Variants in PTPN1 observed in about 807,000 individuals in gnomAD.
PTPN1 encodes protein tyrosine phosphatase non-receptor type 1.
Under a neutral mutation model 59.9 loss-of-function variants are expected in PTPN1, and 12 were observed. The observed-to-expected ratio is 0.20, with a 90% confidence interval of 0.13 to 0.32. The LOEUF (loss-of-function observed/expected upper bound fraction) is 0.32, where lower values mean the gene tolerates loss of function less well. Among genes scored for constraint, PTPN1 ranks in the 10% least tolerant of loss-of-function variants. The probability of loss-of-function intolerance (pLI) is 1.00; values close to 1 mark genes in which losing one functional copy is unlikely to be tolerated. For missense variants in PTPN1, 356 were observed against 549.2 expected, an observed-to-expected ratio of 0.65 and a Z score of 3.52; for synonymous variants, 178 against 203.6, an observed-to-expected ratio of 0.87 and a Z score of 1.07.
intron 2 of PTPN1, among the ~76,000 whole-genome samples, chr20:50,563,400 A>T (rs2082762426): frequency 6.6e-6 from 1 of 151,976 alleles, no homozygotes; most frequent in Non-Finnish European, 1.5e-5. Flanking sequence ...CAGCTCATTG[A>T]CTCTTCCCAC....
intron 1 of PTPN1, among the ~76,000 whole-genome samples, chr20:50,551,838 A>G (rs944162722): frequency 4.6e-5 from 7 of 152,206 alleles, no homozygotes; most frequent in Non-Finnish European, 8.8e-5. Context: ...AATCTGTTTC[A>G]TGGCAAGTTT....
intron 3 of PTPN1, 99 bp downstream of exon 3, chr20:50,565,168 G>A: frequency 7.9e-7 from 1 of 1,259,344 alleles, no homozygotes; most frequent in East Asian, 2.6e-5. Context: ...CCTTTAGAAG[G>A]TCAGGATTTC....
At chr20:50,517,910 A>C (rs895036407) in intron 1 of PTPN1, among the ~76,000 whole-genome samples, 4 of 152,082 alleles carry the variant, frequency 2.6e-5, no homozygotes, top group Non-Finnish European at 5.9e-5. Context: ...ACTGAGGTAT[A>C]TTTTACTTTT....
chr20:50,524,240 ATTGTAAATTTTGTAG>A (rs1468604393), intron 1 of PTPN1, among the ~76,000 whole-genome samples: 8 of 152,234 alleles, frequency 5.3e-5, no homozygotes, highest in African/African-American at 1.9e-4. Context: ...TATTTGTTTC[ATTGTAAATTTTGTAG>A]CCCTAGAACA....
chr20:50,565,896 T>C (rs550390266), intron 3 of PTPN1, among the ~76,000 whole-genome samples: 1 of 152,250 alleles, frequency 6.6e-6, no homozygotes, highest in Non-Finnish European at 1.5e-5. Context: ...GAAGACAGAA[T>C]GCTCTATGAA....
At chr20:50,578,698 T>A in intron 6 of PTPN1, 69 bp downstream of exon 6, 1 of 1,368,178 alleles carries the variant, frequency 7.3e-7, no homozygotes, top group Non-Finnish European at 1.0e-6. Context: ...TTTTCCTAAG[T>A]AGAAACTGAA....
At chr20:50,514,838 T>G (rs114458496) in intron 1 of PTPN1, among the ~76,000 whole-genome samples, 1 of 152,338 alleles carries the variant, frequency 6.6e-6, no homozygotes, top group East Asian at 1.9e-4. Flanking sequence ...CCAGATGATG[T>G]AGTTTGGCAC....
chr20:50,549,801 A>C (rs910182972), intron 1 of PTPN1, among the ~76,000 whole-genome samples: 1 of 152,150 alleles, frequency 6.6e-6, no homozygotes, highest in African/African-American at 2.4e-5. Flanking sequence ...GATTTATTTC[A>C]TATTGCTTAT....
chr20:50,569,513 T>C (rs1472711196), intron 4 of PTPN1, among the ~76,000 whole-genome samples: 2 of 152,102 alleles, frequency 1.3e-5, no homozygotes, highest in Non-Finnish European at 2.9e-5. Context: ...TAGACTGTCC[T>C]GTGTAGACTG....
At chr20:50,580,042 C>CCCAAGGATGCGGAA in intron 8 of PTPN1, 116 bp downstream of exon 8, 1 of 966,038 alleles carries the variant, frequency 1.0e-6, no homozygotes, top group Non-Finnish European at 1.6e-6. Flanking sequence ...GCAGCGCTTC[C>CCCAAGGATGCGGAA]GCATCCTTGG....
At chr20:50,548,971 G>C (rs1270316528) in intron 1 of PTPN1, among the ~76,000 whole-genome samples, 2 of 152,204 alleles carry the variant, frequency 1.3e-5, no homozygotes, top group African/African-American at 4.8e-5. Context: ...GCCCGCCTTG[G>C]CCTCCCAAAG....
chr20:50,510,614 G>A (rs949094357), intron 1 of PTPN1, 24 bp downstream of exon 1: 83 of 1,549,480 alleles, frequency 5.4e-5, no homozygotes, highest in Non-Finnish European at 7.2e-5. Context: ...CCGGAGCGTG[G>A]CGGGCCCTTC....
intron 4 of PTPN1, chr20:50,571,765 C>A (rs1400213512): frequency 1.3e-5 from 2 of 152,174 alleles, no homozygotes; most frequent in Admixed American, 6.5e-5. Context: ...ACTTTAGACA[C>A]CTCAGTGTAG....
chr20:50,574,412 C>G, intron 4 of PTPN1, 105 bp from the exon 5 acceptor site: 1 of 1,195,514 alleles, frequency 8.4e-7, no homozygotes, highest in African/African-American at 1.6e-5. Context: ...CAGAAACCCC[C>G]AGGCCTTTGA....
chr20:50,574,507 G>A lies in PTPN1; in HGVS notation c.355-10G>A. 6.3e-7 allele frequency: 1 copy of A among 1,580,146 alleles called. No individual in the cohort carries two copies. Among genetic ancestry groups the A allele is most frequent in the Non-Finnish European group, 8.6e-7 (1 of 1,169,322 alleles). On this transcript the variant is annotated splice_polypyrimidine_tract_variant and intron_variant, in intron 4 of 9. Coordinates refer to ENST00000371621, the MANE Select transcript of PTPN1 (RefSeq NM_002827.4). The stretch of plus-strand genomic sequence containing the variant: ...TGCTCACAATAATTCACTATTATTT[G>A]TTTCCCCAGTTAAAATGCGCACAAT...
At chr20:50,513,276 A>G (rs975550085) in intron 1 of PTPN1, among the ~76,000 whole-genome samples, 3 of 152,206 alleles carry the variant, frequency 2.0e-5, no homozygotes, top group African/African-American at 4.8e-5. Context: ...GGCTTTAAAC[A>G]TTGTTTTCTA....
At chr20:50,551,296 C>T (rs2082701186) in intron 1 of PTPN1, among the ~76,000 whole-genome samples, 1 of 152,108 alleles carries the variant, frequency 6.6e-6, no homozygotes, top group African/African-American at 2.4e-5. Flanking sequence ...CCCTCCTTGC[C>T]CCTTTTAAAA....
intron 1 of PTPN1, among the ~76,000 whole-genome samples, chr20:50,527,404 C>T (rs1354899023): frequency 3.3e-5 from 5 of 152,028 alleles, no homozygotes; most frequent in Non-Finnish European, 5.9e-5. Context: ...AGTGCAGTGC[C>T]GCAGTCTTGG....
chr20:50,540,543 G>T (rs1291938413), intron 1 of PTPN1, among the ~76,000 whole-genome samples: 1 of 152,154 alleles, frequency 6.6e-6, no homozygotes, highest in Non-Finnish European at 1.5e-5. Context: ...CTCCTACTAG[G>T]TCCATTTTTA....
Sources: allele counts gnomAD v4.1 joint callset (sites outside exome capture counted in the v4.1 genomes callset), GRCh38; gene constraint gnomAD v4.1.1; transcripts MANE v1.5; gene names NCBI Gene and HGNC (gene_info 2026-07-23, HGNC 2026-07-21).